HDAC8: variants seen among roughly 807,000 people sequenced by gnomAD.
The protein encoded by HDAC8 is histone deacetylase 8.
Under a neutral mutation model 32.2 loss-of-function variants are expected in HDAC8, and 1 was observed. That is an observed-to-expected ratio of 0.03 (90% CI 0.01 to 0.15). HDAC8 has a LOEUF of 0.15. HDAC8 is among the 10% of genes least tolerant of loss of function. HDAC8 has a pLI of 1.00. For synonymous variants in HDAC8, 108 were observed against 113.9 expected (o/e 0.95, Z 0.33); for missense variants, 117 against 300.0 (o/e 0.39, Z 4.51).
chrX:72,490,873 T>C (rs1044667658), intron 6 of HDAC8, 56 bp downstream of exon 6: 8 of 874,749 alleles, frequency 9.1e-6, no homozygotes, highest in Non-Finnish European at 1.4e-5. Context: ...AAGAAATGTG[T>C]AGAAGAATTT....
At chrX:72,533,280 A>T (rs2050411040) in intron 4 of HDAC8, among the ~76,000 whole-genome samples, 1 of 111,786 alleles carries the variant, frequency 8.9e-6, no homozygotes, top group African/African-American at 3.3e-5. Flanking sequence ...TAAGTTTTGA[A>T]ATTGGGAATT....
chrX:72,451,610 G>T (rs2047572803), intron 9 of HDAC8, among the ~76,000 whole-genome samples: 1 of 112,452 alleles, frequency 8.9e-6, no homozygotes, highest in Non-Finnish European at 1.9e-5. Flanking sequence ...AGAAACAACA[G>T]AAGCCAGAAG....
At chrX:72,457,959 C>T (rs2047763792) in intron 9 of HDAC8, among the ~76,000 whole-genome samples, 1 of 111,055 alleles carries the variant, frequency 9.0e-6, no homozygotes, top group South Asian at 3.8e-4. Context: ...TAATATTTTC[C>T]ATTAGTAAAC....
intron 7 of HDAC8, among the ~76,000 whole-genome samples, chrX:72,475,447 T>C (rs182063512): frequency 1.8e-5 from 2 of 111,922 alleles, no homozygotes; most frequent in Non-Finnish European, 3.8e-5. Context: ...CAACTTTCCA[T>C]AGGTATGTTT....
chrX:72,489,572 C>T (rs1405797417), intron 6 of HDAC8, among the ~76,000 whole-genome samples: 4 of 110,401 alleles, frequency 3.6e-5, no homozygotes, highest in African/African-American at 1.3e-4. Flanking sequence ...AAACTGGATC[C>T]CTTCCTTACA....
chrX:72,425,138 A>G (rs782401680), intron 9 of HDAC8, among the ~76,000 whole-genome samples: 1 of 112,046 alleles, frequency 8.9e-6, no homozygotes, highest in African/African-American at 3.2e-5. Flanking sequence ...CCTATTTTCC[A>G]TAGCAGCTGC....
chrX:72,492,236 A>G (rs1556010276), intron 5 of HDAC8, among the ~76,000 whole-genome samples: 1 of 112,399 alleles, frequency 8.9e-6, no homozygotes. Flanking sequence ...CATGTATGAG[A>G]GTTCCCAAAC....
chrX:72,395,202 C>T (rs1409674696), intron 9 of HDAC8, among the ~76,000 whole-genome samples: 1 of 112,575 alleles, frequency 8.9e-6, no homozygotes, highest in African/African-American at 3.2e-5. Flanking sequence ...GTAGTTTGTA[C>T]ATTTTAGATT....
chrX:72,379,567 G>A (rs2045208464), intron 9 of HDAC8, among the ~76,000 whole-genome samples: 1 of 95,890 alleles, frequency 1.0e-5, no homozygotes, highest in Non-Finnish European at 2.0e-5. Context: ...GCGTGATCTC[G>A]GCTCATCACA....
chrX:72,474,549 T>A (rs570215769), intron 7 of HDAC8: 6 of 1,145,379 alleles, frequency 5.2e-6, no homozygotes, highest in East Asian at 3.2e-5. Context: ...CATCTCTTTA[T>A]ACTACATTAG....
chrX:72,481,954 G>T (rs2048523174), intron 7 of HDAC8, among the ~76,000 whole-genome samples: 1 of 110,965 alleles, frequency 9.0e-6, no homozygotes, highest in South Asian at 3.9e-4. Context: ...GTCCCAGGTG[G>T]AAGATAAATT....
intron 8 of HDAC8, among the ~76,000 whole-genome samples, chrX:72,463,767 G>GGTT (rs1201576527): frequency 9.0e-6 from 1 of 111,422 alleles, no homozygotes; most frequent in East Asian, 2.8e-4. Flanking sequence ...TCCTCTAACA[G>GGTT]GTTGACAAAA....
intron 4 of HDAC8, among the ~76,000 whole-genome samples, chrX:72,548,215 C>T (rs1556060686): frequency 8.9e-6 from 1 of 111,822 alleles, no homozygotes; most frequent in Non-Finnish European, 1.9e-5. Context: ...ATTCATATAA[C>T]AGAATTATTC....
At chrX:72,430,091 T>C (rs782646728) in intron 9 of HDAC8, among the ~76,000 whole-genome samples, 1 of 112,605 alleles carries the variant, frequency 8.9e-6, no homozygotes, top group Non-Finnish European at 1.9e-5. Context: ...TTTCCAGACA[T>C]TGACTTCTTT....
At chrX:72,403,560 C>G (rs1418636786) in intron 9 of HDAC8, among the ~76,000 whole-genome samples, 1 of 112,637 alleles carries the variant, frequency 8.9e-6, no homozygotes, top group African/African-American at 3.2e-5. Flanking sequence ...GGTGTGGTGG[C>G]TCATGCCTGT....
chrX:72,386,790 C>G (rs1316127684), intron 9 of HDAC8, among the ~76,000 whole-genome samples: 1 of 111,649 alleles, frequency 9.0e-6, no homozygotes, highest in Non-Finnish European at 1.9e-5. Context: ...TTCAGGAACC[C>G]TATCTTTACC....
intron 7 of HDAC8, among the ~76,000 whole-genome samples, chrX:72,482,503 T>C (rs925167457): frequency 1.8e-5 from 2 of 112,013 alleles, no homozygotes; most frequent in Non-Finnish European, 3.8e-5. Context: ...CAATTCTTTT[T>C]TGGGCAAAAA....
At chrX:72,370,841 T>A (rs782121224) in intron 9 of HDAC8, among the ~76,000 whole-genome samples, 1 of 111,917 alleles carries the variant, frequency 8.9e-6, no homozygotes, top group Admixed American at 9.5e-5. Flanking sequence ...TCCTTTCACA[T>A]TTTTCTGCCT....
At chrX:72,490,152 G>C (rs1556008382) in intron 6 of HDAC8, among the ~76,000 whole-genome samples, 1 of 109,549 alleles carries the variant, frequency 9.1e-6, no homozygotes, top group Non-Finnish European at 1.9e-5. Flanking sequence ...TACACTGTTG[G>C]TGGGACTGTA....
Sources: gnomAD v4.1 joint callset for allele counts (sites outside exome capture counted in the v4.1 genomes callset) on GRCh38, gnomAD v4.1.1 for gene constraint, MANE v1.5 for transcripts, NCBI Gene and HGNC (gene_info 2026-07-23, HGNC 2026-07-21) for gene names.